CALM2: variants seen among roughly 807,000 people sequenced by gnomAD.
The protein encoded by CALM2 is calmodulin 2.
CALM2 carries 2 observed loss-of-function variants against 19.8 expected under a neutral mutation model. The ratio of observed to expected loss-of-function variants is 0.10; its 90% CI spans 0.04 to 0.32. The LOEUF is 0.32. Among genes scored for constraint, CALM2 ranks in the 10% least tolerant of loss-of-function variants. The probability of loss-of-function intolerance (pLI) is 1.00; values close to 1 mark genes in which losing one functional copy is unlikely to be tolerated. For missense variants in CALM2, 38 were observed against 178.7 expected (o/e 0.21, Z 4.49); for synonymous variants, 51 against 52.1 (o/e 0.98, Z 0.09).
intron 2 of CALM2, among the ~76,000 whole-genome samples, chr2:47,165,969 G>C (rs984217243): frequency 2.6e-5 from 4 of 152,150 alleles, no homozygotes; most frequent in Non-Finnish European, 5.9e-5. Flanking sequence ...TCCTTTGCCA[G>C]GGCTATTACA....
At chr2:47,165,766 C>G (rs1415417187) in intron 2 of CALM2, among the ~76,000 whole-genome samples, 1 of 152,154 alleles carries the variant, frequency 6.6e-6, no homozygotes, top group Non-Finnish European at 1.5e-5. Flanking sequence ...GCTCCCCTGG[C>G]TGATGACAAG....
At chr2:47,171,972 T>C (rs1488178492) in intron 1 of CALM2, 2 of 75,866 alleles carry the variant, frequency 2.6e-5, no homozygotes, top group Non-Finnish European at 4.8e-5. Context: ...ATGATGTAAA[T>C]CAAATTCATT....
intron 1 of CALM2, among the ~76,000 whole-genome samples, chr2:47,175,952 G>C (rs1666850322): frequency 6.6e-6 from 1 of 151,232 alleles, no homozygotes; most frequent in African/African-American, 2.4e-5. Context: ...GCTCGCCCCA[G>C]GGCCCCGCGC....
chr2:47,164,118 G>T (rs896639315), intron 2 of CALM2, among the ~76,000 whole-genome samples: 2 of 151,758 alleles, frequency 1.3e-5, no homozygotes, highest in East Asian at 3.9e-4. Flanking sequence ...GGCGCCTATA[G>T]TCCCAGCTAC....
At position 47,162,540 on chromosome 2, in the gene CALM2, T is replaced by C. The variant is rs1553431807; in HGVS notation, c.157A>G (p.Ile53Val). Reference protein sequence around the residue: ...NPTEAELQDMINEVDADGNGT... With the variant: ...NPTEAELQDMVNEVDADGNGT... Reference sequence around the variant, plus strand: ...TTACCATCAGCATCTACTTCATTAATCATGTCCTGTAACTCTGCTTCTGTG... The same window carrying C: ...TTACCATCAGCATCTACTTCATTAACCATGTCCTGTAACTCTGCTTCTGTG... The change falls in exon 3 of 6, where the codon ATT becomes GTT. Residue 53 changes from isoleucine (I) to valine (V), a missense_variant. Coordinates refer to ENST00000272298, the MANE Select transcript of CALM2 (RefSeq NM_001743.6). 1 of 1,614,182 alleles carries C rather than the reference T, an allele frequency of 6.2e-7. No individual in the cohort carries two copies. Among genetic ancestry groups the C allele is most frequent in the Non-Finnish European group, 8.5e-7 (1 of 1,180,024 alleles).
chr2:47,173,193 A>G (rs1214448131), intron 1 of CALM2: 1 of 152,200 alleles, frequency 6.6e-6, no homozygotes, highest in Non-Finnish European at 1.5e-5. Flanking sequence ...AAGACTTCCT[A>G]GCACTAACTT....
chr2:47,176,494 G>A lies in CALM2; in HGVS notation c.-51C>T, dbSNP rs771746844. On this transcript the variant is annotated 5_prime_UTR_variant, in exon 1 of 6. Coordinates refer to ENST00000272298, the MANE Select transcript of CALM2 (RefSeq NM_001743.6). ...ACGCGACCACACAACCACTCAGCTCGCTCTCTCCACTCGGACTAATTCGCC... is the reference window on the plus strand; with the variant it reads ...ACGCGACCACACAACCACTCAGCTCACTCTCTCCACTCGGACTAATTCGCC... 4.3e-6 allele frequency: 7 copies of A among 1,611,364 alleles called. No individual in the cohort carries two copies. The highest frequency in any genetic ancestry group is 2.2e-5 in the South Asian group (2 of 90,460).
At chr2:47,167,817 T>TTTTTTTTTTTTTTTTTTA (rs70940664) in intron 2 of CALM2, 1 of 142,978 alleles carries the variant, frequency 7.0e-6, no homozygotes, top group African/African-American at 2.7e-5. Flanking sequence ...TTCTTTTCTT[T>TTTTTTTTTTTTTTTTTTA]GAGACAGGGT....
chr2:47,163,009 G>T, intron 2 of CALM2: 1 of 167,880 alleles, frequency 6.0e-6, no homozygotes, highest in Non-Finnish European at 1.3e-5. Context: ...CAGAGGAAAA[G>T]AACCAAATCC....
chr2:47,164,885 C>T (rs949538600), intron 2 of CALM2, among the ~76,000 whole-genome samples: 3 of 152,188 alleles, frequency 2.0e-5, no homozygotes, highest in Non-Finnish European at 4.4e-5. Context: ...AACTCCAATT[C>T]GCGTACACCT....
intron 1 of CALM2, chr2:47,171,230 AAAG>A (rs1666656177): frequency 6.4e-6 from 1 of 156,516 alleles, no homozygotes. Flanking sequence ...GGCAAAATGC[AAAG>A]AATCCAGAGC....
chr2:47,172,507 C>T, intron 1 of CALM2: 1 of 1,216,004 alleles, frequency 8.2e-7, no homozygotes, highest in Non-Finnish European at 1.1e-6. Flanking sequence ...TAACAAAGAA[C>T]CTACAATGTT....
intron 2 of CALM2, among the ~76,000 whole-genome samples, chr2:47,167,904 G>A (rs1666540739): frequency 6.8e-6 from 1 of 147,630 alleles, no homozygotes; most frequent in Admixed American, 6.9e-5. Context: ...AAAGTGTTGG[G>A]ATTAGACATG....
At chr2:47,176,524 C>T (rs774957821), upstream of CALM2, 38 of 1,590,770 alleles carry the variant, frequency 2.4e-5, no homozygotes, top group Non-Finnish European at 3.2e-5. Flanking sequence ...TTCGCCTCCT[C>T]CGCCCCCAGC....
chr2:47,163,589 C>T (rs146173745), intron 2 of CALM2: 1,923 of 152,182 alleles, frequency 0.013, 24 homozygotes, highest in Admixed American at 0.027. Context: ...TGCACCACCA[C>T]GCCCAGCTAA....
At chr2:47,171,775 A>T in intron 1 of CALM2, 1 of 152,182 alleles carries the variant, frequency 6.6e-6, no homozygotes, top group Admixed American at 6.5e-5. Flanking sequence ...ACAATGATTA[A>T]TCCATTCATT....
intron 2 of CALM2, chr2:47,167,677 G>A (rs774881677): frequency 2.4e-5 from 2 of 83,892 alleles, no homozygotes; most frequent in Non-Finnish European, 4.4e-5. Flanking sequence ...CTGGGCAAGA[G>A]AGTGAAGCTC....
At chr2:47,173,836 C>G (rs1379523650) in intron 1 of CALM2, 1 of 152,264 alleles carries the variant, frequency 6.6e-6, no homozygotes, top group East Asian at 1.9e-4. Flanking sequence ...CAAAAGCAAT[C>G]TAAATTATTT....
intron 1 of CALM2, among the ~76,000 whole-genome samples, chr2:47,175,016 T>TCG (rs1196571213): frequency 6.7e-6 from 1 of 148,590 alleles, no homozygotes; most frequent in Non-Finnish European, 1.5e-5. Context: ...GACACACCCA[T>TCG]CGCTGTAACC....
Sources: gnomAD v4.1 joint callset for allele counts (sites outside exome capture counted in the v4.1 genomes callset) on GRCh38, gnomAD v4.1.1 for gene constraint, MANE v1.5 for transcripts, NCBI Gene and HGNC (gene_info 2026-07-23, HGNC 2026-07-21) for gene names.